The following ARHGAP28 variants were observed in gnomAD, a reference collection of about 807,000 sequenced individuals.
The protein encoded by ARHGAP28 is Rho GTPase activating protein 28, also known as rho GTPase-activating protein 28.
ARHGAP28 carries 56 observed loss-of-function variants against 90.7 expected under a neutral mutation model. The observed-to-expected ratio is 0.62, with a 90% CI of 0.50 to 0.77. ARHGAP28 has a LOEUF of 0.77. Ranked by LOEUF, ARHGAP28 falls within the 30% of genes least tolerant of loss-of-function variation. ARHGAP28 has a pLI of 0.00. For synonymous variants in ARHGAP28, 308 were observed against 323.3 expected (o/e 0.95, Z 0.51); for missense variants, 869 against 900.9 (o/e 0.96, Z 0.45).
intron 2 of ARHGAP28, among the ~76,000 whole-genome samples, chr18:6,832,085 T>G (rs796847536): frequency 6.6e-6 from 1 of 152,054 alleles, no homozygotes; most frequent in African/African-American, 2.4e-5. Flanking sequence ...AAATCTTTCA[T>G]CTTTTTGAAT....
rs139251729 is a variant in ARHGAP28, at chr18:6,799,702, G to A, written c.123-25060G>A. ...ATATGCAGAAAACTGAAACTGGACC[G>A]CATCTTAACTCAAGATGGATTAAAG... On this transcript the variant is annotated intron_variant, in intron 1 of 17. Coordinates refer to ENST00000383472, the MANE Select transcript of ARHGAP28 (RefSeq NM_001366230.1). Among the ~76,000 whole-genome samples the A allele has an allele frequency of 3.1e-4, 47 of 150,938 alleles. No individual in the cohort carries two copies. The East Asian group carries it at 5.3e-3, about 17-fold the overall frequency.
At chr18:6,804,305 G>A (rs1214459320) in intron 1 of ARHGAP28, among the ~76,000 whole-genome samples, 1 of 151,946 alleles carries the variant, frequency 6.6e-6, no homozygotes, top group Non-Finnish European at 1.5e-5. Context: ...CTCATTGCTG[G>A]TATTACCAAT....
At chr18:6,874,810 CA>C (rs2057118368) in intron 9 of ARHGAP28, 1 of 152,026 alleles carries the variant, frequency 6.6e-6, no homozygotes, top group Non-Finnish European at 1.5e-5. Flanking sequence ...CTTCCCTAGG[CA>C]GGGCTGTGCC....
At chr18:6,846,528 C>T (rs1418217046) in intron 3 of ARHGAP28, among the ~76,000 whole-genome samples, 3 of 152,138 alleles carry the variant, frequency 2.0e-5, no homozygotes, top group African/African-American at 7.2e-5. Flanking sequence ...CAGATTTTGT[C>T]TCTATTTTTT....
chr18:6,824,428 T>C (rs1368570269), intron 1 of ARHGAP28, among the ~76,000 whole-genome samples: 1 of 151,946 alleles, frequency 6.6e-6, no homozygotes, highest in Admixed American at 6.6e-5. Flanking sequence ...TCCCAGCTAC[T>C]CGGGAGGCAA....
chr18:6,902,114 G>A (rs1167239159), intron 16 of ARHGAP28, among the ~76,000 whole-genome samples: 1 of 152,042 alleles, frequency 6.6e-6, no homozygotes, highest in Non-Finnish European at 1.5e-5. Flanking sequence ...CTTCAGGGTG[G>A]GCATGAATTT....
chr18:6,738,366 A>G (rs1036768073), intron 1 of ARHGAP28, among the ~76,000 whole-genome samples: 1 of 151,972 alleles, frequency 6.6e-6, no homozygotes, highest in Non-Finnish European at 1.5e-5. Context: ...TACTTTATAC[A>G]TTTACTTACA....
At chr18:6,730,216 C>CATATATATATATATATATATATATAT (rs1555621909) in intron 1 of ARHGAP28, 11 of 105,588 alleles carry the variant, frequency 1.0e-4, no homozygotes, top group Admixed American at 5.7e-4. Flanking sequence ...GAGGATAAGT[C>CATATATATATATATATATATATATAT]ATGTGTATAT....
At chr18:6,740,072 T>A (rs1043141315) in intron 1 of ARHGAP28, among the ~76,000 whole-genome samples, 22 of 152,172 alleles carry the variant, frequency 1.4e-4, no homozygotes, top group African/African-American at 4.6e-4. Flanking sequence ...CAGGCTGGTC[T>A]GGAACTCCTG....
rs767183307 is a variant in ARHGAP28 at position 6,875,098 on chromosome 18, C to T, written c.1213-1033C>T. The stretch of plus-strand genomic sequence containing the variant: ...GAGTTTAAAATATCAAAATCAAAGA[C>T]GATTCAGCACATGAGTTTATAGTAC... On this transcript the variant is annotated intron_variant, in intron 9 of 17. Transcript: ENST00000383472. The T allele has an allele frequency of 2.0e-5, 3 of 152,156 alleles. No individual in the cohort carries two copies. In the East Asian group the frequency reaches 5.8e-4, roughly 29 times the overall value. 9.4% of individuals were successfully genotyped at this position (152,156 alleles called of 1,614,324 possible).
At chr18:6,879,046 G>A (rs1405695790) in intron 10 of ARHGAP28, among the ~76,000 whole-genome samples, 1 of 152,120 alleles carries the variant, frequency 6.6e-6, no homozygotes, top group African/African-American at 2.4e-5. Context: ...ATTGCTTGGG[G>A]AGGCTGACAG....
intron 1 of ARHGAP28, among the ~76,000 whole-genome samples, chr18:6,780,873 A>G (rs1394609859): frequency 6.6e-6 from 1 of 151,186 alleles, no homozygotes; most frequent in Admixed American, 6.6e-5. Flanking sequence ...AGCCTAGGCA[A>G]CAAGAGCAAA....
chr18:6,770,270 T>C (rs1275868245), intron 1 of ARHGAP28, among the ~76,000 whole-genome samples: 1 of 152,198 alleles, frequency 6.6e-6, no homozygotes, highest in Admixed American at 6.5e-5. Context: ...TGGGCTCAAA[T>C]AAGGATAGAA....
At chr18:6,752,067 A>G (rs1204767001) in intron 1 of ARHGAP28, among the ~76,000 whole-genome samples, 7 of 152,234 alleles carry the variant, frequency 4.6e-5, no homozygotes, top group Admixed American at 4.6e-4. Context: ...ATTTGATTAT[A>G]TTTTAACTAT....
chr18:6,892,752 T>A (rs2057275893), intron 14 of ARHGAP28, among the ~76,000 whole-genome samples: 1 of 152,220 alleles, frequency 6.6e-6, no homozygotes, highest in Non-Finnish European at 1.5e-5. Context: ...AAGTCTGTGA[T>A]CCATTAGGTT....
At chr18:6,887,902 A>G (rs572844227) in intron 12 of ARHGAP28, among the ~76,000 whole-genome samples, 15 of 152,352 alleles carry the variant, frequency 9.8e-5, no homozygotes, top group African/African-American at 3.6e-4. Context: ...AGATTCTATA[A>G]TTGCTGGTCC....
chr18:6,870,904 C>T (rs1381992434), intron 7 of ARHGAP28, among the ~76,000 whole-genome samples, 172 bp downstream of exon 7: 3 of 152,072 alleles, frequency 2.0e-5, no homozygotes, highest in Admixed American at 1.3e-4. Context: ...GGGTTCACGC[C>T]ATTCTCCTGC....
chr18:6,797,577 G>A (rs1048816570), intron 1 of ARHGAP28, among the ~76,000 whole-genome samples: 1 of 151,912 alleles, frequency 6.6e-6, no homozygotes, highest in Non-Finnish European at 1.5e-5. Context: ...AACTGGCACT[G>A]CTTGGAACAG....
chr18:6,871,553 A>G (rs1462740118), intron 7 of ARHGAP28, among the ~76,000 whole-genome samples: 1 of 152,172 alleles, frequency 6.6e-6, no homozygotes, highest in Non-Finnish European at 1.5e-5. Context: ...AAGTCTCATT[A>G]TTTATATCCA....
Sources: gnomAD v4.1 joint callset for allele counts (sites outside exome capture counted in the v4.1 genomes callset) on GRCh38, gnomAD v4.1.1 for gene constraint, MANE v1.5 for transcripts, NCBI Gene and HGNC (gene_info 2026-07-23, HGNC 2026-07-21) for gene names.